Variants in FMNL2 observed in about 807,000 individuals in gnomAD.
FMNL2 encodes the protein formin-like protein 2.
Under a neutral mutation model 130.2 loss-of-function variants are expected in FMNL2, and 51 were observed. The ratio of observed to expected loss-of-function variants is 0.39; its 90% CI spans 0.31 to 0.49. The LOEUF is 0.49. Among genes scored for constraint, FMNL2 ranks in the 20% least tolerant of loss-of-function variants. The pLI is 0.85. For missense variants in FMNL2, 977 were observed against 1,316.2 expected (o/e 0.74, Z 3.99); for synonymous variants, 465 against 467.1 (o/e 1.00, Z 0.06).
chr2:152,613,456 C>A (rs1698790136), intron 11 of FMNL2, among the ~76,000 whole-genome samples: 1 of 152,176 alleles, frequency 6.6e-6, no homozygotes, highest in African/African-American at 2.4e-5. Context: ...CTAGCCTTTG[C>A]CCTTATTTAG....
Position 152,587,095 on chromosome 2 carries a change from C to T in FMNL2, c.876+6046C>T, listed in dbSNP as rs979525747. Among the ~76,000 whole-genome samples, 4 of 152,278 alleles carry T rather than the reference C, an allele frequency of 2.6e-5. No individual in the cohort carries two copies. The East Asian group carries it at 7.7e-4, about 29-fold the overall frequency. On this transcript the variant is annotated intron_variant, in intron 9 of 25. Transcript: ENST00000288670. ...AGCCTCCATGTAGAACTCCACGTGGCTTGGGCTTCTCACAGCATAGCATCT... is the reference window on the plus strand; with the variant it reads ...AGCCTCCATGTAGAACTCCACGTGGTTTGGGCTTCTCACAGCATAGCATCT...
At position 152,542,721 on chromosome 2, in the gene FMNL2, C is replaced by A. The variant is rs904736824; in HGVS notation, c.202-18C>A. On this transcript the variant is annotated intron_variant, in intron 2 of 25. Transcript: ENST00000288670. The stretch of plus-strand genomic sequence containing the variant: ...GGCTTCATACCTTTCATGCTTTGGA[C>A]TTTTGTGCTTTCTGCAGGAACGATT... The A allele has an allele frequency of 2.5e-6, 4 of 1,613,758 alleles. No individual in the cohort carries two copies. In the South Asian group the frequency reaches 3.3e-5, roughly 13 times the overall value.
chr2:152,639,922 T>A, intron 23 of FMNL2, 36 bp from the exon 24 acceptor site: 1 of 1,517,536 alleles, frequency 6.6e-7, no homozygotes, highest in Non-Finnish European at 8.8e-7. Context: ...CTCATTTCCA[T>A]TAACATCATC....
chr2:152,361,965 A>G (rs13023506), intron 1 of FMNL2, among the ~76,000 whole-genome samples: 13,391 of 152,244 alleles, frequency 0.088, 658 homozygotes, highest in African/African-American at 0.14. Flanking sequence ...ATTAGTACAC[A>G]TAATATATTC....
chr2:152,575,146 T>C lies in FMNL2; in HGVS notation c.607T>C (p.Leu203=), dbSNP rs926434810. 3.1e-6 allele frequency: 5 copies of C among 1,597,040 alleles called. No individual in the cohort carries two copies. The highest frequency in any genetic ancestry group is 3.4e-6 in the Non-Finnish European group (4 of 1,169,196). Residue 203 remains leucine (L), a synonymous_variant, in exon 7 of 26, where the codon TTG becomes CTG. Transcript: ENST00000288670. ...GRHSALRYNT[L]PSRRTLKNSR... ...TCTTTTTGTTTGTAGATATAATACA[T>C]TGCCAAGCAGAAGAACTCTGAAAAA...
At chr2:152,458,176 T>C (rs1689056297) in intron 1 of FMNL2, among the ~76,000 whole-genome samples, 2 of 152,250 alleles carry the variant, frequency 1.3e-5, no homozygotes, top group Admixed American at 1.3e-4. Flanking sequence ...CTGTAGTGCC[T>C]GTGGCTCTCT....
intron 1 of FMNL2, among the ~76,000 whole-genome samples, chr2:152,389,785 C>T (rs113811132): frequency 2.6e-5 from 4 of 152,208 alleles, no homozygotes; most frequent in East Asian, 1.9e-4. Context: ...CAGCTTCCTT[C>T]GACGCAAAAC....
chr2:152,374,270 T>C (rs140448524), intron 1 of FMNL2, among the ~76,000 whole-genome samples: 108 of 152,302 alleles, frequency 7.1e-4, no homozygotes, highest in African/African-American at 2.4e-3. Context: ...GGTGGGAGTG[T>C]TATTTTCTCA....
At chr2:152,490,814 A>T (rs529028798) in intron 1 of FMNL2, among the ~76,000 whole-genome samples, 1 of 152,080 alleles carries the variant, frequency 6.6e-6, no homozygotes, top group Admixed American at 6.5e-5. Context: ...CATCTGATTG[A>T]AAAAAGAAAA....
chr2:152,495,757 C>G (rs536753919), intron 1 of FMNL2, among the ~76,000 whole-genome samples: 6 of 151,900 alleles, frequency 3.9e-5, no homozygotes, highest in African/African-American at 1.4e-4. Flanking sequence ...GCCTGCCTGC[C>G]TCCAGGAAGC....
intron 6 of FMNL2, 31 bp from the exon 7 acceptor site, chr2:152,575,105 G>T: frequency 7.3e-7 from 1 of 1,369,464 alleles, no homozygotes. Flanking sequence ...GTAACCTGTT[G>T]TTTTATAGAA....
intron 1 of FMNL2, among the ~76,000 whole-genome samples, chr2:152,452,634 C>G (rs997996791): frequency 1.3e-5 from 2 of 152,090 alleles, no homozygotes; most frequent in Non-Finnish European, 2.9e-5. Context: ...TCATATTCCC[C>G]CATCTGTGGG....
chr2:152,554,672 GTTT>G (rs1240472358), intron 4 of FMNL2, among the ~76,000 whole-genome samples: 1 of 152,180 alleles, frequency 6.6e-6, no homozygotes, highest in Non-Finnish European at 1.5e-5. Context: ...CAGAATTCTA[GTTT>G]TTGTTTGAAA....
chr2:152,375,875 C>CTATATATATATATATATATATA (rs71394478), intron 1 of FMNL2, among the ~76,000 whole-genome samples: 6 of 112,828 alleles, frequency 5.3e-5, no homozygotes, highest in Admixed American at 1.0e-4. Flanking sequence ...CTCTCTCTCT[C>CTATATATATATATATATATATA]TCTATATATA....
intron 2 of FMNL2, among the ~76,000 whole-genome samples, chr2:152,524,489 C>A (rs1025729467): frequency 1.3e-5 from 2 of 152,134 alleles, no homozygotes; most frequent in Non-Finnish European, 2.9e-5. Context: ...CCAGCGTACC[C>A]ATTTCTGTGT....
chr2:152,509,484 C>A (rs1692368679), intron 1 of FMNL2, among the ~76,000 whole-genome samples: 1 of 151,446 alleles, frequency 6.6e-6, no homozygotes. Context: ...TCCAAATATG[C>A]CAGAGAACTT....
chr2:152,450,813 G>A (rs1283160884), intron 1 of FMNL2, among the ~76,000 whole-genome samples: 3 of 152,240 alleles, frequency 2.0e-5, no homozygotes, highest in African/African-American at 2.4e-5. Context: ...CTGTCCACTC[G>A]TTCCTTAAAA....
chr2:152,380,686 T>C (rs909128451), intron 1 of FMNL2, among the ~76,000 whole-genome samples: 1 of 152,228 alleles, frequency 6.6e-6, no homozygotes. Flanking sequence ...AGCTAGCATA[T>C]GTAATCTAAC....
In FMNL2 at chr2:152,455,483, C is replaced by G. The variant is rs562812426; in HGVS notation, c.118-66460C>G. On this transcript the variant is annotated intron_variant, in intron 1 of 25. Transcript: ENST00000288670. ...CTTGTTTGAAATGGAAGCTGATGCT[C>G]TAAAGGAGCATTCAGGGTTTGGAGC... Among the ~76,000 whole-genome samples, 183 of 152,266 alleles carry G rather than the reference C, an allele frequency of 1.2e-3. 1 individual carries two copies. Among genetic ancestry groups the G allele is most frequent in the African/African-American group, 4.1e-3 (169 of 41,538 alleles).
Sources: gnomAD v4.1 joint callset for allele counts (sites outside exome capture counted in the v4.1 genomes callset) on GRCh38, gnomAD v4.1.1 for gene constraint, MANE v1.5 for transcripts, NCBI Gene and HGNC (gene_info 2026-07-23, HGNC 2026-07-21) for gene names.